The following KIAA1217 variants were observed in gnomAD, a reference collection of about 807,000 sequenced individuals.
KIAA1217 encodes sickle tail protein homolog.
Under a neutral mutation model 163.9 loss-of-function variants are expected in KIAA1217, and 88 were observed. That is an observed-to-expected ratio of 0.54 (90% CI 0.45 to 0.64). KIAA1217 has a LOEUF of 0.64. KIAA1217 is among the 30% of genes least tolerant of loss of function. KIAA1217 has a pLI of 0.00. For missense variants in KIAA1217, 2,372 were observed against 2,475.0 expected (o/e 0.96, Z 0.88); for synonymous variants, 903 against 923.1 (o/e 0.98, Z 0.39).
chr10:23,954,305 C>A (rs1324958562), intron 1 of KIAA1217, among the ~76,000 whole-genome samples: 1 of 152,120 alleles, frequency 6.6e-6, no homozygotes, highest in Non-Finnish European at 1.5e-5. Flanking sequence ...TGGCTCATGC[C>A]TATAATCTCA....
At chr10:24,448,247 G>C (rs937448268) in intron 5 of KIAA1217, among the ~76,000 whole-genome samples, 1 of 108,424 alleles carries the variant, frequency 9.2e-6, no homozygotes, top group Non-Finnish European at 2.0e-5. Flanking sequence ...TTTTTTGCGT[G>C]GGGGGGGCTG....
rs374275488 is a variant in KIAA1217 at position 24,459,880 on chromosome 10, A to G, written c.847-13348A>G. On this transcript the variant is annotated intron_variant, in intron 5 of 20. Transcript: ENST00000376454. ...AAGGAATTCAAGGCTTCAGTGAGCT[A>G]TGATCACACCACTGCACTACAACCT... 3.3e-5 allele frequency among the ~76,000 whole-genome samples: 5 copies of G among 152,326 alleles called. No homozygotes were observed. The East Asian group carries it at 9.6e-4, about 29-fold the overall frequency.
intron 1 of KIAA1217, among the ~76,000 whole-genome samples, chr10:23,814,926 G>C (rs145068639): frequency 1.2e-4 from 19 of 152,260 alleles, no homozygotes; most frequent in African/African-American, 4.6e-4. Flanking sequence ...CTGCAAAAAG[G>C]TATCAATTAA....
rs559819555 is a variant in KIAA1217, at chr10:24,515,136, G to A, written c.2177+1702G>A. 4.0e-3 allele frequency among the ~76,000 whole-genome samples: 614 copies of A among 151,672 alleles called. 3 individuals carry two copies. The highest frequency in any genetic ancestry group is 0.014 in the African/African-American group (584 of 41,386). ...GGCTGGAGTGCAGTGGCATGATCTC[G>A]GCTCACTGCAACCTCCAACTCCTGG... On this transcript the variant is annotated intron_variant, in intron 10 of 20. Transcript: ENST00000376454.
chr10:24,361,982 C>CAAAAAAAAAAAAAAA (rs68117028), intron 2 of KIAA1217, among the ~76,000 whole-genome samples: 1 of 100,572 alleles, frequency 9.9e-6, no homozygotes, highest in Non-Finnish European at 2.0e-5. Context: ...GACTCTGTCT[C>CAAAAAAAAAAAAAAA]AAAAAAAAAA....
intron 1 of KIAA1217, among the ~76,000 whole-genome samples, chr10:23,898,044 T>C (rs1841781963): frequency 6.6e-6 from 1 of 151,986 alleles, no homozygotes; most frequent in Non-Finnish European, 1.5e-5. Flanking sequence ...AGAGCATCTG[T>C]GATATGGCTG....
At chr10:24,505,135 A>G (rs752326624) in intron 9 of KIAA1217, among the ~76,000 whole-genome samples, 8 of 151,930 alleles carry the variant, frequency 5.3e-5, no homozygotes, top group Non-Finnish European at 8.8e-5. Flanking sequence ...GCTACAGGTA[A>G]TATGAATGCT....
intron 2 of KIAA1217, among the ~76,000 whole-genome samples, chr10:24,095,596 T>A (rs1050784757): frequency 1.3e-5 from 2 of 152,130 alleles, no homozygotes; most frequent in African/African-American, 4.8e-5. Flanking sequence ...CATGATGCTG[T>A]TCTTTGATTC....
At chr10:24,283,754 G>A (rs2078230336) in intron 2 of KIAA1217, among the ~76,000 whole-genome samples, 1 of 152,164 alleles carries the variant, frequency 6.6e-6, no homozygotes, top group Admixed American at 6.6e-5. Flanking sequence ...CAATGAATGA[G>A]AGTTCCTGTT....
chr10:23,866,053 A>G (rs1316753556), intron 1 of KIAA1217, among the ~76,000 whole-genome samples: 1 of 152,136 alleles, frequency 6.6e-6, no homozygotes, highest in Non-Finnish European at 1.5e-5. Context: ...ATGATTTTAT[A>G]TACTTGGAGA....
intron 1 of KIAA1217, among the ~76,000 whole-genome samples, chr10:23,779,137 C>T (rs1210244697): frequency 6.6e-6 from 1 of 152,082 alleles, no homozygotes; most frequent in Non-Finnish European, 1.5e-5. Context: ...TGATGAGTAT[C>T]TATAACTCTT....
intron 1 of KIAA1217, among the ~76,000 whole-genome samples, chr10:23,831,289 G>GA (rs565586461): frequency 0.014 from 1,949 of 137,488 alleles, 33 homozygotes; most frequent in South Asian, 0.051. Flanking sequence ...CTTTTACACA[G>GA]AAAAAAAAAA....
At chr10:23,821,104 C>CGTGTGTGTGTGT (rs3072739) in intron 1 of KIAA1217, among the ~76,000 whole-genome samples, 12 of 143,220 alleles carry the variant, frequency 8.4e-5, no homozygotes, top group African/African-American at 3.0e-4. Context: ...TGTGTGTGTG[C>CGTGTGTGTGTGT]GTGTGTGTGT....
intron 6 of KIAA1217, among the ~76,000 whole-genome samples, chr10:24,486,862 A>G (rs1355258158): frequency 1.3e-5 from 2 of 152,130 alleles, no homozygotes; most frequent in African/African-American, 2.4e-5. Context: ...AGTAGAATGT[A>G]ACCTCCACGT....
rs867766868 is a variant in KIAA1217 at position 23,790,593 on chromosome 10, A to G, written c.-321+95359A>G. Among the ~76,000 whole-genome samples, 15 of 116,520 alleles carry G rather than the reference A, an allele frequency of 1.3e-4. No homozygotes were observed. In the South Asian group the frequency reaches 1.7e-3, roughly 13 times the overall value. 76.4% of individuals were successfully genotyped at this position (116,520 alleles called of 152,430 possible). ...TATATACATATGTATATGTACATAT[A>G]TACATGTACATATATACATATGTAT... On this transcript the variant is annotated intron_variant, in intron 1 of 18. Transcript: ENST00000376462.
intron 1 of KIAA1217, among the ~76,000 whole-genome samples, chr10:23,859,792 C>T (rs1205077053): frequency 6.6e-6 from 1 of 151,420 alleles, no homozygotes; most frequent in Non-Finnish European, 1.5e-5. Context: ...TTATTAGCCT[C>T]ATTAAAGTGT....
intron 1 of KIAA1217, among the ~76,000 whole-genome samples, chr10:23,806,535 C>T (rs571265710): frequency 6.6e-6 from 1 of 152,206 alleles, no homozygotes; most frequent in South Asian, 2.1e-4. Context: ...TACCATTTTG[C>T]ATTCTCATGA....
At chr10:23,950,812 C>T (rs982019760) in intron 1 of KIAA1217, among the ~76,000 whole-genome samples, 10 of 152,172 alleles carry the variant, frequency 6.6e-5, no homozygotes, top group Admixed American at 6.5e-5. Context: ...TCTAGTAGAA[C>T]ATAATCTCCA....
At chr10:24,095,257 T>C (rs928194134) in intron 2 of KIAA1217, among the ~76,000 whole-genome samples, 5 of 152,270 alleles carry the variant, frequency 3.3e-5, no homozygotes, top group Admixed American at 2.6e-4. Context: ...CTGCGCCCAC[T>C]GTCTGGCACT....
Sources: allele counts gnomAD v4.1 joint callset (sites outside exome capture counted in the v4.1 genomes callset), GRCh38; gene constraint gnomAD v4.1.1; transcripts MANE v1.5; gene names NCBI Gene and HGNC (gene_info 2026-07-23, HGNC 2026-07-21).